SLC25A26: variants seen among roughly 807,000 people sequenced by gnomAD.
SLC25A26 encodes solute carrier family 25 member 26, also known as mitochondrial S-adenosylmethionine carrier protein.
Under a neutral mutation model 37.8 loss-of-function variants are expected in SLC25A26, and 36 were observed. The ratio of observed to expected loss-of-function variants is 0.95; its 90% CI spans 0.73 to 1.26. The LOEUF (loss-of-function observed/expected upper bound fraction) is 1.26. Ranked by LOEUF, SLC25A26 falls within the 50% of genes most tolerant of loss-of-function variation. SLC25A26 has a pLI of 0.00. For synonymous variants in SLC25A26, 129 were observed against 122.5 expected, an observed-to-expected ratio of 1.05 and a Z score of -0.35; for missense variants, 390 against 331.1, an observed-to-expected ratio of 1.18 and a Z score of -1.38.
chr3:66,340,917 T>C (rs2076195365), intron 5 of SLC25A26, among the ~76,000 whole-genome samples: 1 of 152,206 alleles, frequency 6.6e-6, no homozygotes, highest in African/African-American at 2.4e-5. Context: ...ATTTATTTGC[T>C]GCTACTATTT....
At chr3:66,215,288 A>G (rs1401120092) in intron 1 of SLC25A26, among the ~76,000 whole-genome samples, 2 of 151,928 alleles carry the variant, frequency 1.3e-5, no homozygotes, top group Non-Finnish European at 2.9e-5. Context: ...TACAGCCTTG[A>G]CCTCTTATCT....
At chr3:66,230,207 C>T (rs929813856) in intron 1 of SLC25A26, among the ~76,000 whole-genome samples, 9 of 152,052 alleles carry the variant, frequency 5.9e-5, no homozygotes, top group African/African-American at 2.2e-4. Flanking sequence ...CTGGTTTCTA[C>T]TCTGAAGGAT....
intron 5 of SLC25A26, among the ~76,000 whole-genome samples, chr3:66,264,729 A>T (rs2073676654): frequency 6.6e-6 from 1 of 152,134 alleles, no homozygotes; most frequent in African/African-American, 2.4e-5. Context: ...TGGTGCCAAA[A>T]AGGTTGGGGA....
chr3:66,335,819 C>CT (rs2076082360), intron 5 of SLC25A26, among the ~76,000 whole-genome samples: 1 of 152,152 alleles, frequency 6.6e-6, no homozygotes, highest in Non-Finnish European at 1.5e-5. Context: ...ACTAAGCCTC[C>CT]TGGTTGCCAT....
At chr3:66,372,621 G>T (rs559477937) in intron 9 of SLC25A26, among the ~76,000 whole-genome samples, 1 of 152,276 alleles carries the variant, frequency 6.6e-6, no homozygotes, top group South Asian at 2.1e-4. Flanking sequence ...GCTCTAGTCA[G>T]TCTGTACAGT....
At chr3:66,158,692 C>T (rs1016884682) in intron 1 of SLC25A26, among the ~76,000 whole-genome samples, 4 of 151,992 alleles carry the variant, frequency 2.6e-5, no homozygotes, top group Admixed American at 1.3e-4. Flanking sequence ...AAGTGGCTTT[C>T]GTTTTATTGG....
intron 5 of SLC25A26, among the ~76,000 whole-genome samples, chr3:66,332,366 G>T (rs11923884): frequency 6.6e-6 from 1 of 152,066 alleles, no homozygotes; most frequent in African/African-American, 2.4e-5. Flanking sequence ...CCGTACATCT[G>T]TTTTGTTTCA....
At chr3:66,178,492 T>C (rs1012735219) in intron 1 of SLC25A26, among the ~76,000 whole-genome samples, 1 of 152,170 alleles carries the variant, frequency 6.6e-6, no homozygotes, top group Non-Finnish European at 1.5e-5. Flanking sequence ...CCAAGCTCAG[T>C]AGCAGTTTCA....
chr3:66,230,827 A>AAC (rs2071988590), intron 1 of SLC25A26, among the ~76,000 whole-genome samples: 1 of 150,792 alleles, frequency 6.6e-6, no homozygotes, highest in Admixed American at 6.6e-5. Flanking sequence ...AAACAAAAAA[A>AAC]AACCAGAATT....
At chr3:66,292,830 C>T (rs182788175) in intron 5 of SLC25A26, among the ~76,000 whole-genome samples, 61 of 152,234 alleles carry the variant, frequency 4.0e-4, no homozygotes, top group African/African-American at 1.4e-3. Context: ...GAATGTTAGC[C>T]TCTCTTGCTA....
At chr3:66,257,892 A>T (rs1429114156) in intron 3 of SLC25A26, among the ~76,000 whole-genome samples, 1 of 151,982 alleles carries the variant, frequency 6.6e-6, no homozygotes, top group East Asian at 1.9e-4. Context: ...AACTCTGTAA[A>T]CCTTCATATG....
At chr3:66,319,248 GT>G (rs11428147) in intron 5 of SLC25A26, among the ~76,000 whole-genome samples, 2 of 150,770 alleles carry the variant, frequency 1.3e-5, no homozygotes, top group East Asian at 2.0e-4. Flanking sequence ...TTATATAATT[GT>G]TTTTTTTTCT....
chr3:66,272,978 A>G (rs2074007951), intron 5 of SLC25A26, among the ~76,000 whole-genome samples: 1 of 152,088 alleles, frequency 6.6e-6, no homozygotes, highest in African/African-American at 2.4e-5. Context: ...TCAATACCTA[A>G]TTTATTGAGA....
At chr3:66,353,857 G>A (rs765883658) in intron 6 of SLC25A26, among the ~76,000 whole-genome samples, 5 of 152,154 alleles carry the variant, frequency 3.3e-5, no homozygotes, top group Non-Finnish European at 1.5e-5. Context: ...CCCACAGGAC[G>A]GTGCTTACTG....
chr3:66,254,678 G>C (rs73833428), intron 3 of SLC25A26, among the ~76,000 whole-genome samples: 31 of 152,356 alleles, frequency 2.0e-4, no homozygotes, highest in African/African-American at 7.2e-4. Flanking sequence ...CAGAACACTT[G>C]GGTTTCACCC....
In SLC25A26 at chr3:66,356,147, T is replaced by A. The variant is rs148338773; in HGVS notation, c.499-6713T>A. The A allele has an allele frequency of 3.3e-3, 1,480 of 450,244 alleles. 23 individuals carry two copies. Among genetic ancestry groups the A allele is most frequent in the African/African-American group, 0.014 (707 of 49,726 alleles). 27.9% of individuals were successfully genotyped at this position (450,244 alleles called of 1,614,324 possible). On this transcript the variant is annotated intron_variant, in intron 6 of 9. Transcript: ENST00000354883. ...CAGTGTGTTATTCATAAGACAGTAG[T>A]GCTTATTTGGGTGGGTCTTTTAAAA... is the stretch of plus-strand genomic sequence containing the variant.
chr3:66,277,537 G>GT (rs2074197377), intron 5 of SLC25A26, among the ~76,000 whole-genome samples: 1 of 151,912 alleles, frequency 6.6e-6, no homozygotes, highest in South Asian at 2.1e-4. Context: ...TGATGGATGT[G>GT]TTAATTAATT....
At chr3:66,143,947 A>T (rs56364700) in intron 1 of SLC25A26, among the ~76,000 whole-genome samples, 51,711 of 151,924 alleles carry the variant, frequency 0.34, 9,040 homozygotes, top group East Asian at 0.45. Context: ...AGTCCTTCTA[A>T]GTAGGCACAG....
chr3:66,276,652 G>A (rs1428442657), intron 5 of SLC25A26, among the ~76,000 whole-genome samples: 1 of 152,014 alleles, frequency 6.6e-6, no homozygotes, highest in African/African-American at 2.4e-5. Flanking sequence ...TCCCTGTGCT[G>A]CATCATATGT....
Sources: allele counts gnomAD v4.1 joint callset (sites outside exome capture counted in the v4.1 genomes callset), GRCh38; gene constraint gnomAD v4.1.1; transcripts MANE v1.5; gene names NCBI Gene and HGNC (gene_info 2026-07-23, HGNC 2026-07-21).